Variants in SMAP1 observed in about 807,000 individuals in gnomAD.
SMAP1 encodes small ArfGAP 1, also known as stromal membrane-associated protein 1.
A neutral mutation model predicts 58.5 loss-of-function variants in SMAP1; 24 were observed. The observed-to-expected ratio is 0.41, with a 90% CI of 0.30 to 0.58. SMAP1 has a LOEUF of 0.58. Among genes scored for constraint, SMAP1 ranks in the 20% least tolerant of loss-of-function variants. SMAP1 has a pLI of 0.29. For synonymous variants in SMAP1, 216 were observed against 196.6 expected (o/e 1.10, Z -0.82); for missense variants, 563 against 566.3 (o/e 0.99, Z 0.06).
In SMAP1 at chr6:70,836,920, A is replaced by G. The variant is rs189620207; in HGVS notation, c.577-21A>G. On this transcript the variant is annotated intron_variant, in intron 6 of 10. Coordinates refer to ENST00000370455, the MANE Select transcript of SMAP1 (RefSeq NM_001044305.3). ...AAATTTACTTAAGAAAAATTAATAA[A>G]TCCAATTATTTACTTTAAAGCTGCA... The G allele has an allele frequency of 3.8e-4, 579 of 1,521,994 alleles. 3 individuals are homozygous for G. In the African/African-American group the frequency reaches 7.3e-3, roughly 19 times the overall value. The allele number at this position is 1,521,994 out of a possible 1,614,324, so 94.3% of individuals were successfully genotyped here. A position where few individuals can be genotyped will look rare whatever the true frequency, so the allele number is the denominator to read the frequency against.
intron 4 of SMAP1, among the ~76,000 whole-genome samples, chr6:70,785,571 G>A (rs1418106166): frequency 6.6e-6 from 1 of 151,834 alleles, no homozygotes; most frequent in Non-Finnish European, 1.5e-5. Flanking sequence ...TAATAAAGAA[G>A]AAAAGAGAGA....
intron 6 of SMAP1, among the ~76,000 whole-genome samples, chr6:70,799,867 C>T (rs1768770522): frequency 6.6e-6 from 1 of 151,886 alleles, no homozygotes; most frequent in Non-Finnish European, 1.5e-5. Context: ...AAGTGTATAC[C>T]AAAGGTACTC....
At chr6:70,714,674 T>TAG (rs901061040) in intron 1 of SMAP1, among the ~76,000 whole-genome samples, 2 of 152,172 alleles carry the variant, frequency 1.3e-5, no homozygotes. Flanking sequence ...ATATTTAACT[T>TAG]TACTAACAAG....
intron 3 of SMAP1, among the ~76,000 whole-genome samples, chr6:70,768,923 T>C (rs1275198184): frequency 6.6e-6 from 1 of 152,146 alleles, no homozygotes; most frequent in Middle Eastern, 3.2e-3. Flanking sequence ...CTGCTTTGAA[T>C]GTGTCCCAGA....
At chr6:70,794,534 C>T (rs1161638799) in intron 5 of SMAP1, among the ~76,000 whole-genome samples, 1 of 152,146 alleles carries the variant, frequency 6.6e-6, no homozygotes, top group Admixed American at 6.5e-5. Context: ...GTCAACTCAT[C>T]ATTTACATTA....
At chr6:70,700,090 G>A (rs1000865099) in intron 1 of SMAP1, among the ~76,000 whole-genome samples, 2 of 152,010 alleles carry the variant, frequency 1.3e-5, no homozygotes, top group South Asian at 2.1e-4. Context: ...TCGTACCTTC[G>A]TGCTGTTCTT....
At chr6:70,839,356 C>T (rs1271049012) in intron 7 of SMAP1, among the ~76,000 whole-genome samples, 3 of 152,196 alleles carry the variant, frequency 2.0e-5, no homozygotes, top group African/African-American at 7.2e-5. Flanking sequence ...TTGGTTGTGG[C>T]AGCACCCTTC....
At chr6:70,710,909 C>T (rs1349360560) in intron 1 of SMAP1, among the ~76,000 whole-genome samples, 1 of 151,924 alleles carries the variant, frequency 6.6e-6, no homozygotes, top group African/African-American at 2.4e-5. Context: ...ACACGAACAC[C>T]CATATTAGCC....
chr6:70,834,120 A>C (rs931950380), intron 6 of SMAP1, among the ~76,000 whole-genome samples: 1 of 152,136 alleles, frequency 6.6e-6, no homozygotes, highest in African/African-American at 2.4e-5. Flanking sequence ...TGCATTGCTC[A>C]ATTTAGCTTT....
intron 1 of SMAP1, among the ~76,000 whole-genome samples, chr6:70,721,051 T>TCTTGCTACTTATGCAAATTAGGCTC (rs1275564272): frequency 1.3e-5 from 2 of 152,190 alleles, no homozygotes; most frequent in African/African-American, 2.4e-5. Flanking sequence ...TTTGTAGGCT[T>TCTTGCTACTTATGCAAATTAGGCTC]CTTGCTACTT....
chr6:70,818,889 T>C (rs187292877), intron 6 of SMAP1, among the ~76,000 whole-genome samples: 1 of 148,548 alleles, frequency 6.7e-6, no homozygotes, highest in Admixed American at 6.8e-5. Flanking sequence ...ATATATCATG[T>C]CATCCATGTC....
intron 4 of SMAP1, among the ~76,000 whole-genome samples, chr6:70,785,559 A>C (rs1767976299): frequency 6.6e-6 from 1 of 152,226 alleles, no homozygotes; most frequent in South Asian, 2.1e-4. Flanking sequence ...CGCTAGCAGG[A>C]CTAATAAAGA....
At chr6:70,786,834 A>G (rs1393788420) in intron 4 of SMAP1, among the ~76,000 whole-genome samples, 4 of 152,270 alleles carry the variant, frequency 2.6e-5, no homozygotes, top group Non-Finnish European at 4.4e-5. Flanking sequence ...TTCCATGCTC[A>G]TGGACAGGAA....
At chr6:70,688,410 A>C (rs1442743179) in intron 1 of SMAP1, among the ~76,000 whole-genome samples, 1 of 152,246 alleles carries the variant, frequency 6.6e-6, no homozygotes, top group East Asian at 1.9e-4. Context: ...ACCATTTTAT[A>C]CATCTACTAA....
At chr6:70,723,103 CTTTTG>C (rs1411126622) in intron 1 of SMAP1, among the ~76,000 whole-genome samples, 2 of 152,134 alleles carry the variant, frequency 1.3e-5, no homozygotes, top group African/African-American at 4.8e-5. Context: ...TTTATAGACT[CTTTTG>C]TTTGTTTGTT....
chr6:70,824,326 T>C (rs1037001421), intron 6 of SMAP1, among the ~76,000 whole-genome samples: 4 of 152,130 alleles, frequency 2.6e-5, no homozygotes, highest in Non-Finnish European at 5.9e-5. Context: ...TTATTATTAT[T>C]ATTTTACCGA....
chr6:70,746,099 A>T (rs1301681456), intron 2 of SMAP1, among the ~76,000 whole-genome samples: 1 of 152,194 alleles, frequency 6.6e-6, no homozygotes, highest in African/African-American at 2.4e-5. Flanking sequence ...TTCTAAATAT[A>T]CAATCATGTC....
At chr6:70,760,434 G>T (rs1223906582) in intron 3 of SMAP1, among the ~76,000 whole-genome samples, 1 of 152,078 alleles carries the variant, frequency 6.6e-6, no homozygotes, top group Non-Finnish European at 1.5e-5. Flanking sequence ...TATGTTAAGA[G>T]TATAAGATGA....
Position 70,860,769 on chromosome 6 carries a change from T to C in SMAP1, c.*435T>C, listed in dbSNP as rs1005687336. 2.5e-6 allele frequency: 1 copy of C among 399,384 alleles called. No homozygotes were observed. Among genetic ancestry groups the C allele is most frequent in the African/African-American group, 2.1e-5 (1 of 48,610 alleles). 24.7% of individuals were successfully genotyped at this position (399,384 alleles called of 1,614,324 possible). ...AATGTTTAATCATATAAATAGAATG[T>C]AAATGTCTCACTGAGCACTGTTTTC... On this transcript the variant is annotated 3_prime_UTR_variant, in exon 11 of 11. Coordinates refer to ENST00000370455, the MANE Select transcript of SMAP1 (RefSeq NM_001044305.3).
Sources: gnomAD v4.1 joint callset for allele counts (sites outside exome capture counted in the v4.1 genomes callset) on GRCh38, gnomAD v4.1.1 for gene constraint, MANE v1.5 for transcripts, NCBI Gene and HGNC (gene_info 2026-07-23, HGNC 2026-07-21) for gene names.